ADCY1: variants seen among roughly 807,000 people sequenced by gnomAD.
ADCY1 encodes the protein adenylate cyclase 1, also known as adenylate cyclase type 1.
Under a neutral mutation model 105.4 loss-of-function variants are expected in ADCY1, and 28 were observed. The ratio of observed to expected loss-of-function variants is 0.27; its 90% CI spans 0.20 to 0.36. The LOEUF is 0.36. Ranked by LOEUF, ADCY1 falls within the 10% of genes least tolerant of loss-of-function variation. The pLI is 1.00. For missense variants in ADCY1, 977 were observed against 1,434.2 expected (o/e 0.68, Z 5.15); for synonymous variants, 655 against 623.8 (o/e 1.05, Z -0.75).
At position 45,646,740 on chromosome 7, in the gene ADCY1, G is replaced by T. The variant is rs560132133; in HGVS notation, c.1021-1930G>T. 2.6e-5 allele frequency among the ~76,000 whole-genome samples: 4 copies of T among 152,298 alleles called. No individual in the cohort carries two copies. In the South Asian group the frequency reaches 8.3e-4, roughly 32 times the overall value. On this transcript the variant is annotated intron_variant, in intron 4 of 19. Coordinates refer to ENST00000297323, the MANE Select transcript of ADCY1 (RefSeq NM_021116.4). ...CCTGCTGGGGGATGAGGGCAGGTGG[G>T]AAGGCCCCCTTCTGCAGATGAGGAG... is the stretch of plus-strand genomic sequence containing the variant.
intron 1 of ADCY1, among the ~76,000 whole-genome samples, chr7:45,582,145 T>C (rs1303848689): frequency 6.6e-6 from 1 of 152,200 alleles, no homozygotes; most frequent in African/African-American, 2.4e-5. Flanking sequence ...TGCACACTGA[T>C]GCACACTCGT....
chr7:45,590,922 T>C (rs555427245), intron 1 of ADCY1, among the ~76,000 whole-genome samples: 1 of 151,766 alleles, frequency 6.6e-6, no homozygotes, highest in African/African-American at 2.4e-5. Flanking sequence ...CAGGTGGGGG[T>C]GTGTCTGATG....
intron 8 of ADCY1, among the ~76,000 whole-genome samples, chr7:45,672,164 A>T (rs1314506462): frequency 6.6e-6 from 1 of 152,196 alleles, no homozygotes; most frequent in African/African-American, 2.4e-5. Context: ...GCTTATGGAT[A>T]TCTGGTTTCT....
chr7:45,679,411 C>T (rs192710818), intron 10 of ADCY1, among the ~76,000 whole-genome samples: 1 of 152,304 alleles, frequency 6.6e-6, no homozygotes, highest in East Asian at 1.9e-4. Flanking sequence ...AAACGGCTTC[C>T]AGAAAAGTTC....
intron 4 of ADCY1, among the ~76,000 whole-genome samples, chr7:45,644,030 C>T (rs909721874): frequency 6.6e-5 from 10 of 152,176 alleles, no homozygotes; most frequent in Admixed American, 5.9e-4. Context: ...TTTCTTATTT[C>T]GTTCTTCCAC....
intron 4 of ADCY1, among the ~76,000 whole-genome samples, chr7:45,644,164 A>G (rs775842276): frequency 9.2e-5 from 14 of 152,072 alleles, no homozygotes; most frequent in Non-Finnish European, 2.1e-4. Flanking sequence ...TCTCCCAGGT[A>G]TCTGTTTTCT....
At chr7:45,670,225 G>A (rs1784337399) in intron 8 of ADCY1, among the ~76,000 whole-genome samples, 1 of 152,194 alleles carries the variant, frequency 6.6e-6, no homozygotes, top group African/African-American at 2.4e-5. Context: ...GCCTTGGGCT[G>A]TTCCTGGTAC....
At chr7:45,684,581 AAAT>A (rs1784629325) in intron 11 of ADCY1, 1 of 155,508 alleles carries the variant, frequency 6.4e-6, no homozygotes, top group Non-Finnish European at 1.4e-5. Flanking sequence ...TACGTGAACA[AAAT>A]AATAAAATTT....
intron 8 of ADCY1, among the ~76,000 whole-genome samples, chr7:45,666,740 A>G (rs975427864): frequency 1.9e-4 from 29 of 152,208 alleles, no homozygotes; most frequent in African/African-American, 6.8e-4. Flanking sequence ...TTACAGTCCC[A>G]CCAACAGTGT....
chr7:45,706,659 A>C (rs1562733418), intron 17 of ADCY1, among the ~76,000 whole-genome samples: 1 of 152,196 alleles, frequency 6.6e-6, no homozygotes, highest in Non-Finnish European at 1.5e-5. Context: ...ATGACTTTTT[A>C]AATACAATAC....
At chr7:45,628,833 A>G (rs989232255) in intron 4 of ADCY1, among the ~76,000 whole-genome samples, 1 of 151,890 alleles carries the variant, frequency 6.6e-6, no homozygotes. Context: ...GATATGTTAC[A>G]CCTCACCGGG....
chr7:45,639,960 C>T (rs1794493599), intron 4 of ADCY1, among the ~76,000 whole-genome samples: 1 of 152,118 alleles, frequency 6.6e-6, no homozygotes, highest in African/African-American at 2.4e-5. Context: ...CCATGGGGAC[C>T]CAACACAGAG....
At chr7:45,704,302 C>T (rs962557798) in intron 16 of ADCY1, among the ~76,000 whole-genome samples, 1 of 152,126 alleles carries the variant, frequency 6.6e-6, no homozygotes, top group Non-Finnish European at 1.5e-5. Context: ...CTGGTGGCTG[C>T]GAGCTCACCT....
At position 45,592,800 on chromosome 7, in the gene ADCY1, T is replaced by C; in HGVS notation, c.681T>C (p.Tyr227=). The C allele has an allele frequency of 6.2e-7, 1 of 1,614,228 alleles. No individual in the cohort carries two copies. The highest frequency in any genetic ancestry group is 1.1e-5 in the South Asian group (1 of 91,090). ...NALLFVGVNM[Y]GVFVRILTER... is the part of the protein sequence containing the mutation. Reference sequence around the variant, plus strand: ...TGCTCTTCGTCGGTGTGAACATGTATGGGGTCTTTGTGCGGATTCTGACTG... The same window carrying C: ...TGCTCTTCGTCGGTGTGAACATGTACGGGGTCTTTGTGCGGATTCTGACTG... The change falls in exon 2 of 20, where the codon TAT becomes TAC. Residue 227 remains tyrosine (Y), a synonymous_variant. Transcript: ENST00000297323.
chr7:45,628,338 C>T (rs1467072237), intron 4 of ADCY1, among the ~76,000 whole-genome samples: 2 of 152,196 alleles, frequency 1.3e-5, no homozygotes, highest in African/African-American at 4.8e-5. Context: ...CTGAAGACCT[C>T]GGTTTCCGCC....
intron 3 of ADCY1, among the ~76,000 whole-genome samples, chr7:45,620,289 A>G (rs1793855726): frequency 6.6e-6 from 1 of 152,226 alleles, no homozygotes; most frequent in Non-Finnish European, 1.5e-5. Flanking sequence ...AGCTGTAGAT[A>G]TCTGCTGTAC....
chr7:45,619,604 T>C (rs1793837615), intron 3 of ADCY1, among the ~76,000 whole-genome samples: 1 of 152,158 alleles, frequency 6.6e-6, no homozygotes, highest in Admixed American at 6.5e-5. Flanking sequence ...ACAATATGTA[T>C]GGAGCTGGAG....
Position 45,648,705 on chromosome 7 carries a change from C to T in ADCY1, c.1056C>T (p.Asp352=). The stretch of plus-strand genomic sequence containing the variant: ...GTCGCCGCATCAAGATTCTCGGGGA[C>T]TGCTACTACTGCGTGTCGGGCCTCA... The part of the protein sequence containing the change: ...NHCRRIKILG[D]CYYCVSGLTQ... Residue 352 remains aspartate, a synonymous_variant, in exon 5 of 20, where the codon GAC becomes GAT. Coordinates refer to ENST00000297323, the MANE Select transcript of ADCY1 (RefSeq NM_021116.4). The T allele has an allele frequency of 6.2e-7, 1 of 1,614,200 alleles. No homozygotes were observed. Among genetic ancestry groups the T allele is most frequent in the Non-Finnish European group, 8.5e-7 (1 of 1,180,024 alleles).
chr7:45,622,279 G>T (rs73694822), intron 3 of ADCY1, among the ~76,000 whole-genome samples: 1 of 152,072 alleles, frequency 6.6e-6, no homozygotes, highest in Non-Finnish European at 1.5e-5. Context: ...GCTCGGTGCC[G>T]CTGGCCACAT....
Sources: allele counts gnomAD v4.1 joint callset (sites outside exome capture counted in the v4.1 genomes callset), GRCh38; gene constraint gnomAD v4.1.1; transcripts MANE v1.5; gene names NCBI Gene and HGNC (gene_info 2026-07-23, HGNC 2026-07-21).